Variants in PCCA observed in about 807,000 individuals in gnomAD.
The protein encoded by PCCA is propionyl-CoA carboxylase alpha chain, mitochondrial.
PCCA carries 74 observed loss-of-function variants against 101.3 expected under a neutral mutation model. The observed-to-expected ratio is 0.73, with a 90% CI of 0.61 to 0.89. The LOEUF is 0.89. Ranked by LOEUF, PCCA falls within the 40% of genes least tolerant of loss-of-function variation. The probability of loss-of-function intolerance (pLI) is 0.00; values close to 1 mark genes in which losing one functional copy is unlikely to be tolerated. For missense variants in PCCA, 891 were observed against 907.0 expected, an observed-to-expected ratio of 0.98 and a Z score of 0.23; for synonymous variants, 294 against 313.6, an observed-to-expected ratio of 0.94 and a Z score of 0.66.
chr13:100,109,022 G>C (rs1367036318), intron 2 of PCCA, among the ~76,000 whole-genome samples: 1 of 152,150 alleles, frequency 6.6e-6, no homozygotes, highest in African/African-American at 2.4e-5. Context: ...AGATGTGTCA[G>C]GTGCAGGTAT....
intron 9 of PCCA, among the ~76,000 whole-genome samples, chr13:100,261,566 A>T (rs1178701035): frequency 6.6e-6 from 1 of 152,046 alleles, no homozygotes; most frequent in Non-Finnish European, 1.5e-5. Context: ...GGATTTCATC[A>T]TGTTGGCCAG....
chr13:100,256,127 C>T (rs1358018124), intron 8 of PCCA, among the ~76,000 whole-genome samples: 1 of 152,148 alleles, frequency 6.6e-6, no homozygotes, highest in Non-Finnish European at 1.5e-5. Flanking sequence ...CTTGCCTCAG[C>T]CTCTGAGTAG....
chr13:100,300,285 CTG>C (rs1247461700), intron 12 of PCCA, among the ~76,000 whole-genome samples: 1 of 152,124 alleles, frequency 6.6e-6, no homozygotes, highest in Non-Finnish European at 1.5e-5. Flanking sequence ...GTTGTTGAAA[CTG>C]TAAGCAAACT....
chr13:100,152,542 G>C (rs527734572), intron 4 of PCCA, among the ~76,000 whole-genome samples: 1 of 152,156 alleles, frequency 6.6e-6, no homozygotes, highest in South Asian at 2.1e-4. Flanking sequence ...CGCCTCCCGG[G>C]TTCACGCCAT....
chr13:100,416,514 G>C (rs539423615), intron 19 of PCCA, among the ~76,000 whole-genome samples: 13 of 147,352 alleles, frequency 8.8e-5, no homozygotes, highest in East Asian at 4.0e-4. Context: ...TTAAATATCT[G>C]TGTGTGTGTG....
chr13:100,470,679 T>G (rs915199179), intron 21 of PCCA, among the ~76,000 whole-genome samples: 2 of 151,826 alleles, frequency 1.3e-5, no homozygotes, highest in Non-Finnish European at 2.9e-5. Context: ...AAAATAAAAT[T>G]AAATTAAAAA....
At chr13:100,127,403 A>G (rs1011806979) in intron 4 of PCCA, among the ~76,000 whole-genome samples, 1 of 152,174 alleles carries the variant, frequency 6.6e-6, no homozygotes, top group African/African-American at 2.4e-5. Flanking sequence ...TATTGTATTA[A>G]TATATCTTTT....
intron 4 of PCCA, among the ~76,000 whole-genome samples, chr13:100,139,785 T>A (rs538698189): frequency 6.6e-6 from 1 of 152,340 alleles, no homozygotes; most frequent in South Asian, 2.1e-4. Context: ...TAATTTTAGA[T>A]ATTTTGAGTA....
rs75710724 is a variant in PCCA at position 100,496,942 on chromosome 13, A to G, written c.1900-18485A>G. On this transcript the variant is annotated intron_variant, in intron 21 of 23. Coordinates refer to ENST00000376285, the MANE Select transcript of PCCA (RefSeq NM_000282.4). Reference sequence around the variant, plus strand: ...TGTTCAGGTCGCTACAGTGGCTGGCAGCTTGAGTTCTAGGATGGAGTTCGG... The same window carrying G: ...TGTTCAGGTCGCTACAGTGGCTGGCGGCTTGAGTTCTAGGATGGAGTTCGG... Among the ~76,000 whole-genome samples, 862 of 152,342 alleles carry G rather than the reference A, an allele frequency of 5.7e-3. 26 individuals carry two copies. The East Asian group carries it at 0.087, about 15-fold the overall frequency.
At chr13:100,267,062 T>C (rs2062986167) in intron 10 of PCCA, among the ~76,000 whole-genome samples, 1 of 152,178 alleles carries the variant, frequency 6.6e-6, no homozygotes. Flanking sequence ...TGCACAGAAT[T>C]TTTAAAAAAT....
chr13:100,176,968 G>A (rs986634154), intron 6 of PCCA, among the ~76,000 whole-genome samples: 1 of 152,122 alleles, frequency 6.6e-6, no homozygotes, highest in African/African-American at 2.4e-5. Flanking sequence ...AAGCCCTGTG[G>A]GATTAAGTTC....
At chr13:100,146,578 A>T (rs2052596905) in intron 4 of PCCA, among the ~76,000 whole-genome samples, 1 of 151,938 alleles carries the variant, frequency 6.6e-6, no homozygotes, top group South Asian at 2.1e-4. Context: ...CTGTCTCAAA[A>T]AAAAAAAAAA....
intron 15 of PCCA, among the ~76,000 whole-genome samples, chr13:100,309,131 A>C (rs1399877819): frequency 3.3e-5 from 5 of 152,168 alleles, no homozygotes; most frequent in Admixed American, 6.5e-5. Flanking sequence ...GCAGTGGCTC[A>C]TATCTGTAAT....
intron 18 of PCCA, among the ~76,000 whole-genome samples, chr13:100,353,632 G>A (rs1392695744): frequency 6.6e-6 from 1 of 152,068 alleles, no homozygotes; most frequent in Non-Finnish European, 1.5e-5. Flanking sequence ...TGCTTAGAGG[G>A]AAATGAGAGC....
chr13:100,427,419 T>C (rs2079229549), intron 20 of PCCA, among the ~76,000 whole-genome samples: 1 of 152,230 alleles, frequency 6.6e-6, no homozygotes, highest in Non-Finnish European at 1.5e-5. Context: ...TCATCATCCT[T>C]TTCAGTGAGT....
At chr13:100,184,890 G>GCTTTCTGT (rs1467414112) in intron 6 of PCCA, among the ~76,000 whole-genome samples, 50 of 152,258 alleles carry the variant, frequency 3.3e-4, no homozygotes, top group African/African-American at 1.2e-3. Flanking sequence ...TTGTTATAGA[G>GCTTTCTGT]CTTTCTGTCT....
intron 20 of PCCA, among the ~76,000 whole-genome samples, chr13:100,444,431 CTTTTTTTTTTTTTT>C (rs57941571): frequency 5.9e-4 from 27 of 45,460 alleles, no homozygotes; most frequent in African/African-American, 2.4e-3. Flanking sequence ...TTTGAACAAC[CTTTTTTTTTTTTTT>C]TTTTTTTTTT....
chr13:100,499,170 C>T (rs2085490942), intron 21 of PCCA, among the ~76,000 whole-genome samples: 1 of 152,212 alleles, frequency 6.6e-6, no homozygotes, highest in South Asian at 2.1e-4. Flanking sequence ...ATAGCACTCT[C>T]TCACTAGTTC....
intron 19 of PCCA, among the ~76,000 whole-genome samples, chr13:100,412,443 A>G (rs1255778671): frequency 1.3e-5 from 2 of 152,220 alleles, no homozygotes; most frequent in Admixed American, 6.5e-5. Flanking sequence ...TTGTTTTACA[A>G]GAAACAAACA....
Sources: gnomAD v4.1 joint callset for allele counts (sites outside exome capture counted in the v4.1 genomes callset) on GRCh38, gnomAD v4.1.1 for gene constraint, MANE v1.5 for transcripts, NCBI Gene and HGNC (gene_info 2026-07-23, HGNC 2026-07-21) for gene names.